The following ITGB4 variants were observed in gnomAD, a reference collection of about 807,000 sequenced individuals.
ITGB4 encodes the protein integrin subunit beta 4, also known as integrin beta-4.
A neutral mutation model predicts 207.6 loss-of-function variants in ITGB4; 159 were observed. The observed-to-expected ratio is 0.77, with a 90% CI of 0.67 to 0.87. The LOEUF is 0.87. Ranked by LOEUF, ITGB4 falls within the 40% of genes least tolerant of loss-of-function variation. The pLI, the probability that ITGB4 is intolerant of heterozygous loss-of-function variation, is 0.00. For missense variants in ITGB4, 2,278 were observed against 2,546.8 expected (o/e 0.89, Z 2.27); for synonymous variants, 1,020 against 1,062.7 (o/e 0.96, Z 0.78).
In ITGB4 at chr17:75,750,586, CAA is replaced by C; in HGVS notation, c.3475-92_3475-91del. ...GCCCCTCCCTCGGGCCTCATCTGTG[CAA>C]AGAGGACAGTAAGGGCAGAGGTCAG... is the stretch of plus-strand genomic sequence containing the variant. On this transcript the variant is annotated intron_variant, in intron 28 of 39. Coordinates refer to ENST00000200181, the MANE Select transcript of ITGB4 (RefSeq NM_000213.5). This position sits in a 1 kb window ranked among gnomAD's most constrained non-coding sequence, Gnocchi z 5.5. 2 of 1,165,742 alleles carry C rather than the reference CAA, an allele frequency of 1.7e-6. No individual in the cohort carries two copies. Among genetic ancestry groups the C allele is most frequent in the South Asian group, 2.6e-5 (2 of 77,762 alleles). 72.2% of individuals were successfully genotyped at this position (1,165,742 alleles called of 1,614,324 possible). A position where few individuals can be genotyped will look rare whatever the true frequency, so the allele number is the denominator to read the frequency against.
rs1195862196 is a variant in ITGB4 at position 75,732,965 on chromosome 17, G to A, written c.1455-525G>A. The stretch of plus-strand genomic sequence containing the variant: ...TAGCTGGGCGTGGTGGTGCATGCCT[G>A]TAATCCCAGCTACTCGGGAGGCTGA... On this transcript the variant is annotated intron_variant, in intron 12 of 39. Transcript: ENST00000200181. The surrounding 1 kb of genome is among the most constrained non-coding windows in gnomAD (Gnocchi z 5.3). Among the ~76,000 whole-genome samples the A allele has an allele frequency of 2.0e-5, 3 of 152,134 alleles. No homozygotes were observed. The highest frequency in any genetic ancestry group is 1.5e-5 in the Non-Finnish European group (1 of 68,032).
Position 75,751,171 on chromosome 17 carries a change from C to T in ITGB4, c.3793+60C>T, listed in dbSNP as rs1177303332. On this transcript the variant is annotated intron_variant, in intron 30 of 39. Transcript: ENST00000200181. ...AGAACAGCCATGGAAGGGGAGGGGA[C>T]AAAGCTGGAGGGAGCTCTTGGTCAC... The T allele has an allele frequency of 1.9e-6, 3 of 1,596,778 alleles. No homozygotes were observed. The Admixed American group carries it at 5.0e-5, about 27-fold the overall frequency.
intron 26 of ITGB4, among the ~76,000 whole-genome samples, chr17:75,745,872 C>CT (rs892568679): frequency 3.9e-5 from 6 of 151,964 alleles, no homozygotes; most frequent in African/African-American, 1.5e-4. Flanking sequence ...GAGTGAGACT[C>CT]TGTCTCGAAA....
Position 75,750,048 on chromosome 17 carries a change from C to G in ITGB4, c.3317-63C>G. 17 of 1,606,392 alleles carry G rather than the reference C, an allele frequency of 1.1e-5. No individual in the cohort carries two copies. In the South Asian group the frequency reaches 1.9e-4, roughly 18 times the overall value. On this transcript the variant is annotated intron_variant, in intron 27 of 39. Coordinates refer to ENST00000200181, the MANE Select transcript of ITGB4 (RefSeq NM_000213.5). The surrounding 1 kb of genome is among the most constrained non-coding windows in gnomAD (Gnocchi z 5.5). Reference sequence around the variant, plus strand: ...GCGCCCTGGGTGTTGAAGTGGGTCTCTGGCGCCCCCTGGTGGTGAAGGGGG... The same window carrying G: ...GCGCCCTGGGTGTTGAAGTGGGTCTGTGGCGCCCCCTGGTGGTGAAGGGGG...
Position 75,731,449 on chromosome 17 carries a change from G to T in ITGB4, c.1215+81G>T, listed in dbSNP as rs2148479912. ...TGGAATCGTTTAAAACAGCGGTCAA[G>T]AGCGTGGCCCCTGGAGTCAGGCAGG... is the stretch of plus-strand genomic sequence containing the variant. On this transcript the variant is annotated intron_variant, in intron 10 of 39. Transcript: ENST00000200181. The surrounding 1 kb of genome is among the most constrained non-coding windows in gnomAD (Gnocchi z 6.8). 1.4e-6 allele frequency: 2 copies of T among 1,430,548 alleles called. No homozygotes were observed. The highest frequency in any genetic ancestry group is 1.9e-6 in the Non-Finnish European group (2 of 1,041,796). The allele number at this position is 1,430,548 out of a possible 1,614,324, so 88.6% of individuals were successfully genotyped here.
rs750146295 is a variant in ITGB4, at chr17:75,750,675, G to T, written c.3475-5G>T. ...GCTGACCAGGACCCCTGTCCCTGGGGGTAGGTAAAGTACTGGATTCAGGGT... is the reference window on the plus strand; with the variant it reads ...GCTGACCAGGACCCCTGTCCCTGGGTGTAGGTAAAGTACTGGATTCAGGGT... On this transcript the variant is annotated splice_polypyrimidine_tract_variant and splice_region_variant and intron_variant, in intron 28 of 39. Transcript: ENST00000200181. This position sits in a 1 kb window ranked among gnomAD's most constrained non-coding sequence, Gnocchi z 5.5. 1.2e-6 allele frequency: 2 copies of T among 1,612,880 alleles called. No individual in the cohort carries two copies. The highest frequency in any genetic ancestry group is 1.6e-4 in the Middle Eastern group (1 of 6,062).
Position 75,756,981 on chromosome 17 carries a change from G to A in ITGB4, c.5092G>A (p.Glu1698Lys), listed in dbSNP as rs776496019. 51 of 1,612,684 alleles carry A rather than the reference G, an allele frequency of 3.2e-5. No individual in the cohort carries two copies. The highest frequency in any genetic ancestry group is 1.1e-4 in the East Asian group (5 of 44,886). ...TAFRVDGDSP[E>K]SRLTVPGLSE... ...ATTCCGGGTGGATGGAGACAGCCCC[G>A]AGAGCCGGCTGACCGTGCCGGGCCT... The change falls in exon 38 of 40, where the codon GAG becomes AAG. Residue 1698 changes from glutamate (E) to lysine (K), a missense_variant. Glu to Lys is a moderately conservative substitution (Grantham distance 56, BLOSUM62 1). Transcript: ENST00000200181.
Position 75,731,834 on chromosome 17 carries a change from G to T in ITGB4, c.1238G>T (p.Arg413Leu). ...CAGGGTATATACCAGGTGCAGCTGC[G>T]GGCCCTTGAGCACGTGGATGGGACG... ...GEVGIYQVQL[R>L]ALEHVDGTHV... Residue 413 changes from arginine to leucine, a missense_variant, in exon 11 of 40, where the codon CGG (arginine) becomes CTG (leucine). Physicochemically the swap from Arg to Leu is moderately radical, Grantham distance 102. Coordinates refer to ENST00000200181, the MANE Select transcript of ITGB4 (RefSeq NM_000213.5). This position sits in a 1 kb window ranked among gnomAD's most constrained non-coding sequence, Gnocchi z 6.8. The T allele has an allele frequency of 3.7e-6, 6 of 1,607,070 alleles. No individual in the cohort carries two copies. The highest frequency in any genetic ancestry group is 5.1e-6 in the Non-Finnish European group (6 of 1,177,064).
At chr17:75,724,868 T>C in intron 2 of ITGB4, 86 bp downstream of exon 2, 1 of 1,146,346 alleles carries the variant, frequency 8.7e-7, no homozygotes, top group Non-Finnish European at 1.3e-6. Flanking sequence ...TCACGGTGTC[T>C]CACCTAAACA....
intron 2 of ITGB4, among the ~76,000 whole-genome samples, chr17:75,725,742 C>G (rs1366680802): frequency 2.0e-5 from 3 of 152,192 alleles, no homozygotes; most frequent in Non-Finnish European, 2.9e-5. Flanking sequence ...AAAGGGAAAT[C>G]TAGAGTTTTA....
intron 16 of ITGB4, 67 bp from the exon 17 acceptor site, chr17:75,737,255 C>T (rs2060998465): frequency 1.9e-6 from 3 of 1,551,806 alleles, no homozygotes; most frequent in Admixed American, 1.9e-5. Flanking sequence ...GCCCCCTCAC[C>T]AGACCCTGGG....
At position 75,730,349 on chromosome 17, in the gene ITGB4, C is replaced by T. The variant is rs1422797135; in HGVS notation, c.847C>T (p.Arg283Cys). 6.8e-6 allele frequency: 11 copies of T among 1,613,868 alleles called. No individual in the cohort carries two copies. Among genetic ancestry groups the T allele is most frequent in the Non-Finnish European group, 9.3e-6 (11 of 1,180,018 alleles). The change falls in exon 8 of 40, where the codon CGC becomes TGC. Residue 283 changes from arginine (R) to cysteine (C), a missense_variant. Coordinates refer to ENST00000200181, the MANE Select transcript of ITGB4 (RefSeq NM_000213.5). Reference protein sequence around the residue: ...GANVLAGIMSRNDERCHLDTT... With the variant: ...GANVLAGIMSCNDERCHLDTT... ...CAACGTGCTGGCTGGCATCATGAGC[C>T]GCAACGATGAACGGTGCCACCTGGA...
chr17:75,750,161 C>T lies in ITGB4; in HGVS notation c.3367C>T (p.Pro1123Ser), dbSNP rs1202217351. The change falls in exon 28 of 40, where the codon CCT becomes TCT. Residue 1123 changes from proline (P) to serine (S), a missense_variant. Physicochemically the swap from Pro to Ser is moderately conservative, Grantham distance 74. Coordinates refer to ENST00000200181, the MANE Select transcript of ITGB4 (RefSeq NM_000213.5). This position sits in a 1 kb window ranked among gnomAD's most constrained non-coding sequence, Gnocchi z 5.5. ...TCAGATGTTGTCATCACAGCCACCC[C>T]CTCACGGCGACCTGGGCGCCCCGCA... The part of the protein sequence containing the change: ...TSQMLSSQPP[P>S]HGDLGAPQNP... 3 of 1,613,736 alleles carry T rather than the reference C, an allele frequency of 1.9e-6. No individual in the cohort carries two copies. The highest frequency in any genetic ancestry group is 1.1e-5 in the South Asian group (1 of 91,086).
At position 75,752,221 on chromosome 17, in the gene ITGB4, C is replaced by T. The variant is rs121912467; in HGVS notation, c.3841C>T (p.Arg1281Trp). 3 of 1,613,896 alleles carry T rather than the reference C, an allele frequency of 1.9e-6. No individual in the cohort carries two copies. The highest frequency in any genetic ancestry group is 1.1e-5 in the South Asian group (1 of 91,090). The change falls in exon 31 of 40, where the codon CGG (arginine) becomes TGG (tryptophan). Residue 1281 changes from arginine to tryptophan, a missense_variant. Coordinates refer to ENST00000200181, the MANE Select transcript of ITGB4 (RefSeq NM_000213.5). ...KKVLVDNPKN[R>W]MLLIENLRES... ...AGTGCTGGTTGACAACCCTAAGAACCGGATGCTGCTTATTGAGAACCTTCG... is the reference window on the plus strand; with the variant it reads ...AGTGCTGGTTGACAACCCTAAGAACTGGATGCTGCTTATTGAGAACCTTCG...
chr17:75,750,533 C>A lies in ITGB4; in HGVS notation c.3475-147C>A. Reference sequence around the variant, plus strand: ...TACCCCCACCTGCTCTGCCCTAGTCCTGACGTGTGCACATGGCAGATCTCT... The same window carrying A: ...TACCCCCACCTGCTCTGCCCTAGTCATGACGTGTGCACATGGCAGATCTCT... On this transcript the variant is annotated intron_variant, in intron 28 of 39. Transcript: ENST00000200181. The surrounding 1 kb of genome is among the most constrained non-coding windows in gnomAD (Gnocchi z 5.5). 1.2e-6 allele frequency: 1 copy of A among 854,496 alleles called. No individual in the cohort carries two copies. The highest frequency in any genetic ancestry group is 1.9e-6 in the Non-Finnish European group (1 of 531,438). The allele number at this position is 854,496 out of a possible 1,614,324, so 52.9% of individuals were successfully genotyped here. A position where few individuals can be genotyped will look rare whatever the true frequency, so the allele number is the denominator to read the frequency against.
At position 75,729,296 on chromosome 17, in the gene ITGB4, C is replaced by G. The variant is rs1394585502; in HGVS notation, c.598C>G (p.Pro200Ala). The change falls in exon 7 of 40, where the codon CCC becomes GCC. Residue 200 changes from proline (P) to alanine (A), a missense_variant. Physicochemically the swap from Pro to Ala is conservative, Grantham distance 27. Transcript: ENST00000200181. The surrounding 1 kb of genome is among the most constrained non-coding windows in gnomAD (Gnocchi z 4.4). ...LKEPWPNSDP[P>A]FSFKNVISLT... ...GGAGCCCTGGCCCAACAGTGACCCCCCCTTCTCCTTCAAGAACGTCATCAG... is the reference window on the plus strand; with the variant it reads ...GGAGCCCTGGCCCAACAGTGACCCCGCCTTCTCCTTCAAGAACGTCATCAG... The G allele has an allele frequency of 1.2e-6, 2 of 1,614,088 alleles. No individual in the cohort carries two copies. The highest frequency in any genetic ancestry group is 1.7e-6 in the Non-Finnish European group (2 of 1,180,040).
chr17:75,749,909 AC>A (rs2143336928), intron 27 of ITGB4, among the ~76,000 whole-genome samples: 1 of 152,134 alleles, frequency 6.6e-6, no homozygotes, highest in Admixed American at 6.5e-5. Context: ...TCCTCCAGAG[AC>A]CCTCCTGGGT....
intron 26 of ITGB4, among the ~76,000 whole-genome samples, chr17:75,745,154 AG>A (rs2061205345): frequency 6.6e-6 from 1 of 152,104 alleles, no homozygotes. Context: ...GCACTTTGGG[AG>A]GCTAAGGTGG....
intron 2 of ITGB4, 142 bp downstream of exon 2, chr17:75,724,924 A>G: frequency 1.3e-6 from 1 of 751,306 alleles, no homozygotes; most frequent in Admixed American, 2.0e-5. Context: ...TCAGGGCTGG[A>G]AAACTTGAGG....
Sources: allele counts gnomAD v4.1 joint callset (sites outside exome capture counted in the v4.1 genomes callset), GRCh38; gene constraint gnomAD v4.1.1; non-coding constraint Gnocchi (gnomAD v3.1); transcripts MANE v1.5; gene names NCBI Gene and HGNC (gene_info 2026-07-23, HGNC 2026-07-21).